Variants in MFSD1 observed in about 807,000 individuals in gnomAD.
MFSD1 encodes lysosomal dipeptide transporter MFSD1.
Under a neutral mutation model 67.1 loss-of-function variants are expected in MFSD1, and 59 were observed. The ratio of observed to expected loss-of-function variants is 0.88; its 90% CI spans 0.71 to 1.09. The LOEUF is 1.09. Among genes scored for constraint, MFSD1 ranks in the 50% least tolerant of loss-of-function variants. The probability of loss-of-function intolerance (pLI) is 0.00; values close to 1 mark genes in which losing one functional copy is unlikely to be tolerated. For synonymous variants in MFSD1, 213 were observed against 200.3 expected (o/e 1.06, Z -0.54); for missense variants, 552 against 566.1 (o/e 0.97, Z 0.25).
intron 6 of MFSD1, among the ~76,000 whole-genome samples, chr3:158,811,166 G>A (rs941256322): frequency 1.3e-5 from 2 of 152,230 alleles, no homozygotes; most frequent in African/African-American, 4.8e-5. Context: ...AATATGTAGA[G>A]TGTGGGGGAA....
intron 7 of MFSD1, among the ~76,000 whole-genome samples, chr3:158,816,786 CTAACGTTTAAGTCTT>C (rs1001260370): frequency 2.7e-5 from 4 of 150,508 alleles, no homozygotes; most frequent in African/African-American, 9.8e-5. Flanking sequence ...GGTTTTAGGT[CTAACGTTTAAGTCTT>C]TAATCCATCT....
At chr3:158,822,957 A>G (rs1730752458) in intron 11 of MFSD1, 1 of 157,382 alleles carries the variant, frequency 6.4e-6, no homozygotes, top group African/African-American at 2.4e-5. Flanking sequence ...TGAAGAAAAA[A>G]TCAGCATTAG....
At chr3:158,824,476 A>G in intron 13 of MFSD1, 1 of 432,610 alleles carries the variant, frequency 2.3e-6, no homozygotes, top group Non-Finnish European at 4.1e-6. Context: ...AAAAAAAAAA[A>G]GCATTTTCCC....
chr3:158,805,955 T>G (rs1729704112), intron 3 of MFSD1, among the ~76,000 whole-genome samples: 1 of 152,344 alleles, frequency 6.6e-6, no homozygotes, highest in South Asian at 2.1e-4. Context: ...CTATTTCTGC[T>G]TTTCTTGGGG....
intron 6 of MFSD1, among the ~76,000 whole-genome samples, chr3:158,812,442 C>T (rs995598966): frequency 1.3e-5 from 2 of 152,164 alleles, no homozygotes; most frequent in African/African-American, 4.8e-5. Context: ...TGGCTCATTT[C>T]ACCTCCTCAA....
rs1383436093 is a variant in MFSD1, at chr3:158,822,097, A to G, written c.1034A>G (p.His345Arg). The change falls in exon 11 of 16, where the codon CAC becomes CGC. Residue 345 changes from histidine (H) to arginine (R), a missense_variant. Transcript: ENST00000415822. ...LCAVAATLVS[H>R]MMLAFTMWNP... ...GCAGTAGCAGCCACTCTTGTGTCCC[A>G]CATGATGCTGGCCTTTACGATGTGG... The G allele has an allele frequency of 1.2e-6, 2 of 1,613,844 alleles. No homozygotes were observed. The highest frequency in any genetic ancestry group is 1.7e-6 in the Non-Finnish European group (2 of 1,179,878).
Position 158,809,231 on chromosome 3 carries a change from T to C in MFSD1, c.493T>C (p.Phe165Leu). 2.5e-6 allele frequency: 4 copies of C among 1,610,758 alleles called. No homozygotes were observed. Among genetic ancestry groups the C allele is most frequent in the Non-Finnish European group, 2.5e-6 (3 of 1,178,898 alleles). ...CCAGAATACATATGCTGTGAGCTGG[T>C]TTAAAGGCAAAGAATTAAACCTGGT... ...VAQNTYAVSW[F>L]KGKELNLVFG... The change falls in exon 6 of 16, where the codon TTT becomes CTT. Residue 165 changes from phenylalanine to leucine, a missense_variant. Phe to Leu is a conservative substitution (Grantham distance 22). Coordinates refer to ENST00000415822, the MANE Select transcript of MFSD1 (RefSeq NM_022736.4).
rs1447743227 is a variant in MFSD1 at position 158,807,390 on chromosome 3, T to G, written c.373-6T>G. On this transcript the variant is annotated splice_region_variant and splice_polypyrimidine_tract_variant and intron_variant, in intron 4 of 15. Transcript: ENST00000415822. ...CATTAATTTGACATGAACTTCTACA[T>G]TATAGGTTGTTTTTGCCCTGGGTGG... is the stretch of plus-strand genomic sequence containing the variant. 4 of 1,609,780 alleles carry G rather than the reference T, an allele frequency of 2.5e-6. No individual in the cohort carries two copies. Among genetic ancestry groups the G allele is most frequent in the Middle Eastern group, 1.7e-4 (1 of 5,994 alleles).
At chr3:158,805,602 A>C (rs1008606092) in intron 3 of MFSD1, 128 bp downstream of exon 3, 21 of 781,416 alleles carry the variant, frequency 2.7e-5, no homozygotes, top group African/African-American at 1.2e-4. Context: ...TGAGTTTTTT[A>C]AAAAAATGAT....
At chr3:158,827,245 T>C in intron 14 of MFSD1, 35 bp from the exon 15 acceptor site, 1 of 1,353,172 alleles carries the variant, frequency 7.4e-7, no homozygotes, top group Non-Finnish European at 1.0e-6. Context: ...TGATAATACT[T>C]ATATGGAAAA....
Position 158,805,418 on chromosome 3 carries a change from C to T in MFSD1, c.273C>T (p.Pro91=), listed in dbSNP as rs772625817. Residue 91 remains proline, a synonymous_variant, in exon 3 of 16, where the codon CCC becomes CCT. Transcript: ENST00000415822. ...TGCTGTATGCCTGGTATTCTTGGCC[C>T]AATGTAGTTTTGTGTTTCTTTGGTG... ...FMLLYAWYSW[P]NVVLCFFGGF... The T allele has an allele frequency of 1.7e-5, 28 of 1,613,874 alleles. No individual in the cohort carries two copies. Among genetic ancestry groups the T allele is most frequent in the Non-Finnish European group, 2.2e-5 (26 of 1,179,968 alleles).
chr3:158,815,884 A>G (rs1227025670), intron 7 of MFSD1, among the ~76,000 whole-genome samples: 2 of 148,086 alleles, frequency 1.4e-5, no homozygotes, highest in African/African-American at 5.0e-5. Context: ...ATTCCCATCT[A>G]TGAGTGAGAA....
intron 7 of MFSD1, among the ~76,000 whole-genome samples, chr3:158,816,527 T>G (rs1369566336): frequency 2.0e-5 from 3 of 152,062 alleles, no homozygotes; most frequent in African/African-American, 7.2e-5. Flanking sequence ...TTTGTTTGAG[T>G]TCATTGTAGA....
At chr3:158,802,949 T>G (rs1311758905) in intron 1 of MFSD1, among the ~76,000 whole-genome samples, 2 of 152,152 alleles carry the variant, frequency 1.3e-5, no homozygotes, top group East Asian at 3.9e-4. Context: ...GTCGGCAGTC[T>G]TCTATATATT....
intron 2 of MFSD1, 143 bp from the exon 3 acceptor site, chr3:158,805,219 A>C: frequency 1.5e-6 from 1 of 679,142 alleles, no homozygotes; most frequent in Non-Finnish European, 2.6e-6. Context: ...GAAGTTAGTG[A>C]GACTTATAAA....
intron 1 of MFSD1, among the ~76,000 whole-genome samples, chr3:158,803,116 G>C (rs1396066199): frequency 6.6e-6 from 1 of 152,136 alleles, no homozygotes; most frequent in Non-Finnish European, 1.5e-5. Flanking sequence ...TATGAAATCT[G>C]ATGTCTCCGA....
rs146609709 is a variant in MFSD1 at position 158,807,961 on chromosome 3, A to G, written c.440+498A>G. 1.1e-3 allele frequency among the ~76,000 whole-genome samples: 162 copies of G among 152,322 alleles called. 1 individual carries two copies. In the East Asian group the frequency reaches 0.021, roughly 19 times the overall value. On this transcript the variant is annotated intron_variant, in intron 5 of 15. Transcript: ENST00000415822. ...ATTGCATTGTCTGTTCAGTAAGCCT[A>G]TTCTGAGACCAGCCTTGGGCTTGCT... is the stretch of plus-strand genomic sequence containing the variant.
chr3:158,802,207 G>A lies in MFSD1; in HGVS notation c.55G>A (p.Ala19Thr). ...GCTCCTGGCAGGCGGCCCTGACGAG[G>A]CCGACAGAGGTGCCCCGGCCGCCCC... ...RALLAGGPDEADRGAPAAPGA... is the reference protein window; with the variant it reads ...RALLAGGPDETDRGAPAAPGA... Residue 19 changes from alanine to threonine, a missense_variant, in exon 1 of 16, where the codon GCC becomes ACC. Ala to Thr is a moderately conservative substitution (Grantham distance 58, BLOSUM62 0). Transcript: ENST00000415822. 1 of 1,610,816 alleles carries A rather than the reference G, an allele frequency of 6.2e-7. No individual in the cohort carries two copies. Among genetic ancestry groups the A allele is most frequent in the Non-Finnish European group, 8.5e-7 (1 of 1,179,082 alleles).
Position 158,807,413 on chromosome 3 carries a change from T to C in MFSD1, c.390T>C (p.Gly130=). ...VCIGQVVFAL[G]GIFNAFWLME... Reference sequence around the variant, plus strand: ...CATTATAGGTTGTTTTTGCCCTGGGTGGAATATTTAATGCTTTTTGGCTGA... The same window carrying C: ...CATTATAGGTTGTTTTTGCCCTGGGCGGAATATTTAATGCTTTTTGGCTGA... The change falls in exon 5 of 16, where the codon GGT becomes GGC. Residue 130 remains glycine, a synonymous_variant. Transcript: ENST00000415822. 6.2e-7 allele frequency: 1 copy of C among 1,613,122 alleles called. No homozygotes were observed. Among genetic ancestry groups the C allele is most frequent in the African/African-American group, 1.3e-5 (1 of 75,012 alleles).
Sources: allele counts gnomAD v4.1 joint callset (sites outside exome capture counted in the v4.1 genomes callset), GRCh38; gene constraint gnomAD v4.1.1; transcripts MANE v1.5; gene names NCBI Gene and HGNC (gene_info 2026-07-23, HGNC 2026-07-21).